The following ASB3 variants were observed in gnomAD, a reference collection of about 807,000 sequenced individuals.
The protein encoded by ASB3 is ankyrin repeat and SOCS box containing 3.
ASB3 carries 41 observed loss-of-function variants against 54.5 expected under a neutral mutation model. That is an observed-to-expected ratio of 0.75 (90% CI 0.59 to 0.98). The LOEUF (loss-of-function observed/expected upper bound fraction) is 0.98. Ranked by LOEUF, ASB3 falls within the 50% of genes least tolerant of loss-of-function variation. ASB3 has a pLI of 0.00. For synonymous variants in ASB3, 266 were observed against 221.2 expected, an observed-to-expected ratio of 1.20 and a Z score of -1.80; for missense variants, 733 against 620.0, an observed-to-expected ratio of 1.18 and a Z score of -1.94.
At chr2:53,673,346 A>T (rs1222215249) in intron 9 of ASB3, among the ~76,000 whole-genome samples, 1 of 152,192 alleles carries the variant, frequency 6.6e-6, no homozygotes, top group Non-Finnish European at 1.5e-5. Context: ...GGGATCCTTA[A>T]TGATGCTCCA....
intron 3 of ASB3, among the ~76,000 whole-genome samples, chr2:53,748,666 G>C (rs972432273): frequency 6.6e-6 from 1 of 151,992 alleles, no homozygotes; most frequent in African/African-American, 2.4e-5. Flanking sequence ...AACCCAAATC[G>C]AAGGATATTA....
At chr2:53,751,144 A>G (rs560316483) in intron 2 of ASB3, among the ~76,000 whole-genome samples, 29 of 152,166 alleles carry the variant, frequency 1.9e-4, no homozygotes, top group African/African-American at 7.0e-4. Context: ...TATTCTTAAT[A>G]CACAAATCCT....
intron 4 of ASB3, among the ~76,000 whole-genome samples, 195 bp from the exon 5 acceptor site, chr2:53,729,042 A>T (rs1365259283): frequency 6.6e-6 from 1 of 152,158 alleles, no homozygotes. Context: ...TTTCTAGTTA[A>T]CCCAATAAAT....
chr2:53,767,845 A>T (rs1347711428), intron 1 of ASB3: 1 of 1,573,836 alleles, frequency 6.4e-7, no homozygotes, highest in Non-Finnish European at 8.6e-7. Flanking sequence ...GCGCGGCGAC[A>T]GCTAGGGTTC....
In ASB3 at chr2:53,700,461, C is replaced by A. The variant is rs868254570; in HGVS notation, c.1048G>T (p.Ala350Ser). ...YGAQINELHLAYCLKYEKFSI... is the reference protein window; with the variant it reads ...YGAQINELHLSYCLKYEKFSI... ...AACTTCTCGTACTTCAGGCAGTATGCCAAATGAAGTTCATTTATCTGGGCT... is the reference window on the plus strand; with the variant it reads ...AACTTCTCGTACTTCAGGCAGTATGACAAATGAAGTTCATTTATCTGGGCT... Residue 350 changes from alanine to serine, a missense_variant, in exon 8 of 10, where the codon GCA becomes TCA. By Grantham distance (99) the Ala-to-Ser change is moderately conservative. Coordinates refer to ENST00000263634, the MANE Select transcript of ASB3 (RefSeq NM_016115.5). The A allele has an allele frequency of 1.9e-6, 3 of 1,613,888 alleles. No individual in the cohort carries two copies. Among genetic ancestry groups the A allele is most frequent in the South Asian group, 2.2e-5 (2 of 91,066 alleles).
intron 2 of ASB3, among the ~76,000 whole-genome samples, chr2:53,763,182 A>C (rs942765236): frequency 1.3e-5 from 2 of 152,106 alleles, no homozygotes; most frequent in African/African-American, 4.8e-5. Context: ...AGGGTTTGAG[A>C]CCAGCCTCGG....
intron 9 of ASB3, among the ~76,000 whole-genome samples, chr2:53,685,066 G>C (rs1452683088): frequency 2.6e-5 from 4 of 152,182 alleles, no homozygotes; most frequent in Admixed American, 2.6e-4. Context: ...GGCATGGAAA[G>C]GGCCAGAGTA....
At chr2:53,753,141 T>A (rs986855145) in intron 2 of ASB3, among the ~76,000 whole-genome samples, 5 of 152,056 alleles carry the variant, frequency 3.3e-5, no homozygotes, top group Non-Finnish European at 5.9e-5. Context: ...CAAATATATG[T>A]CATAACCACA....
chr2:53,735,434 C>CA (rs1408174394), intron 3 of ASB3, among the ~76,000 whole-genome samples: 1 of 144,230 alleles, frequency 6.9e-6, no homozygotes, highest in Non-Finnish European at 1.5e-5. Context: ...ATAAAACATG[C>CA]AAAACCTCTA....
At chr2:53,738,430 T>A (rs540983215) in intron 3 of ASB3, among the ~76,000 whole-genome samples, 50 of 152,354 alleles carry the variant, frequency 3.3e-4, no homozygotes, top group African/African-American at 1.1e-3. Context: ...GTTTAAATTT[T>A]AATTTTAATT....
Position 53,728,793 on chromosome 2 carries a change from G to A in ASB3, c.523C>T (p.Gln175Ter). Residue 175 changes from glutamine (Q) to a stop codon, truncating the protein, a stop_gained, in exon 5 of 10, where the codon CAG becomes TAG. Coordinates refer to ENST00000263634, the MANE Select transcript of ASB3 (RefSeq NM_016115.5). LOFTEE classifies it high-confidence loss of function. ...AAAGGTGTGATTCCAAAGTCATCCT[G>A]GCATTCCTTGTTTGCTCCTTTTCTA... ...LLRKGANKEC[Q>*]DDFGITPLFV... is the part of the protein sequence containing the mutation. 1 of 1,612,184 alleles carries A rather than the reference G, an allele frequency of 6.2e-7. No homozygotes were observed. The highest frequency in any genetic ancestry group is 8.5e-7 in the Non-Finnish European group (1 of 1,179,004).
chr2:53,688,898 C>T (rs1032804520), intron 9 of ASB3, among the ~76,000 whole-genome samples: 6 of 151,492 alleles, frequency 4.0e-5, no homozygotes, highest in African/African-American at 9.7e-5. Context: ...CACACCTGCA[C>T]GTCCTGCACA....
chr2:53,671,443 C>A (rs185398741), intron 9 of ASB3, among the ~76,000 whole-genome samples: 87 of 150,792 alleles, frequency 5.8e-4, no homozygotes, highest in African/African-American at 2.0e-3. Context: ...AATTAAAGGA[C>A]AATTCAAATG....
At chr2:53,707,173 G>C (rs999816326) in intron 7 of ASB3, among the ~76,000 whole-genome samples, 15 of 152,328 alleles carry the variant, frequency 9.8e-5, no homozygotes, top group Non-Finnish European at 1.3e-4. Flanking sequence ...TTGAGCATTT[G>C]AAGGGTGGCT....
At chr2:53,714,304 T>C in intron 7 of ASB3, 80 bp downstream of exon 7, 1 of 1,516,690 alleles carries the variant, frequency 6.6e-7, no homozygotes, top group Non-Finnish European at 8.8e-7. Context: ...CTAAGTTTCA[T>C]CGTGAAAGAA....
chr2:53,702,789 C>A (rs1412455221), intron 7 of ASB3, among the ~76,000 whole-genome samples: 1 of 152,112 alleles, frequency 6.6e-6, no homozygotes, highest in Non-Finnish European at 1.5e-5. Context: ...AGAGAAAATT[C>A]AACATGAAAA....
At chr2:53,767,267 G>C (rs1673526618) in intron 1 of ASB3, 1 of 152,162 alleles carries the variant, frequency 6.6e-6, no homozygotes, top group Admixed American at 6.5e-5. Flanking sequence ...TGAAATGACA[G>C]CTACTCTTTC....
chr2:53,774,011 G>A, intron 1 of ASB3: 1 of 1,022,510 alleles, frequency 9.8e-7, no homozygotes, highest in Admixed American at 2.9e-5. Flanking sequence ...CCACAGCCTG[G>A]GCAACAGACA....
At chr2:53,708,467 C>T (rs980043659) in intron 7 of ASB3, among the ~76,000 whole-genome samples, 2 of 152,102 alleles carry the variant, frequency 1.3e-5, no homozygotes, top group African/African-American at 4.8e-5. Flanking sequence ...CGAACTAATA[C>T]AGAAAATTGG....
Sources: allele counts gnomAD v4.1 joint callset (sites outside exome capture counted in the v4.1 genomes callset), GRCh38; gene constraint gnomAD v4.1.1; transcripts MANE v1.5; gene names NCBI Gene and HGNC (gene_info 2026-07-23, HGNC 2026-07-21).